LYPD1: variants seen among roughly 807,000 people sequenced by gnomAD.
The protein encoded by LYPD1 is ly6/PLAUR domain-containing protein 1.
A neutral mutation model predicts 14.2 loss-of-function variants in LYPD1; 14 were observed. The observed-to-expected ratio is 0.99, with a 90% confidence interval of 0.65 to 1.54. The LOEUF (loss-of-function observed/expected upper bound fraction) is 1.54, where lower values mean the gene tolerates loss of function less well. Ranked by LOEUF, LYPD1 falls within the 40% of genes most tolerant of loss-of-function variation. The pLI is 0.00. For missense variants in LYPD1, 165 were observed against 175.7 expected, an observed-to-expected ratio of 0.94 and a Z score of 0.34; for synonymous variants, 85 against 70.6, an observed-to-expected ratio of 1.20 and a Z score of -1.02.
Position 132,669,217 on chromosome 2 carries a change from C to T in LYPD1, c.52+664G>A, listed in dbSNP as rs559309322. Among the ~76,000 whole-genome samples, 2 of 152,314 alleles carry T rather than the reference C, an allele frequency of 1.3e-5. No homozygotes were observed. The highest frequency in any genetic ancestry group is 6.5e-5 in the Admixed American group (1 of 15,306). On this transcript the variant is annotated intron_variant, in intron 1 of 2. Transcript: ENST00000397463. This position sits in a 1 kb window ranked among gnomAD's most constrained non-coding sequence, Gnocchi z 4.3. ...CGCGCGCACCCTGGATCCCCGACCC[C>T]GCAGCCCTTTCTTCCAGGCCCCGGC...
intron 2 of LYPD1, among the ~76,000 whole-genome samples, chr2:132,663,858 A>T (rs1248255918): frequency 1.3e-5 from 2 of 152,226 alleles, no homozygotes; most frequent in Non-Finnish European, 2.9e-5. Flanking sequence ...CAAAAATAAA[A>T]TAAAAAAATC....
At chr2:132,661,149 T>A (rs147691823) in intron 2 of LYPD1, among the ~76,000 whole-genome samples, 3 of 152,276 alleles carry the variant, frequency 2.0e-5, no homozygotes, top group South Asian at 4.2e-4. Flanking sequence ...AGGCCAGATG[T>A]GGAGCTGGGC....
At chr2:132,649,095 G>T (rs1404595136) in intron 2 of LYPD1, among the ~76,000 whole-genome samples, 1 of 152,220 alleles carries the variant, frequency 6.6e-6, no homozygotes, top group African/African-American at 2.4e-5. Flanking sequence ...ACTGGCTGGT[G>T]TCAGGGTATG....
At chr2:132,659,821 A>T (rs780678779) in intron 2 of LYPD1, among the ~76,000 whole-genome samples, 6 of 152,236 alleles carry the variant, frequency 3.9e-5, no homozygotes, top group Non-Finnish European at 8.8e-5. Context: ...CAGACTAGTC[A>T]ACCCGCTAGG....
At chr2:132,657,791 T>C (rs1416043320) in intron 2 of LYPD1, among the ~76,000 whole-genome samples, 1 of 152,172 alleles carries the variant, frequency 6.6e-6, no homozygotes, top group Non-Finnish European at 1.5e-5. Context: ...CCTTTGACTA[T>C]ACATTTCAGC....
At chr2:132,651,295 G>C (rs17396537) in intron 2 of LYPD1, among the ~76,000 whole-genome samples, 60,515 of 152,118 alleles carry the variant, frequency 0.4, 14,009 homozygotes, top group South Asian at 0.57. Flanking sequence ...GTCCACCAGA[G>C]GGCTCTAGGG....
chr2:132,645,156 C>G lies in LYPD1; in HGVS notation c.*889G>C. ...GGATGCCCAACCAGATTCGGAGGAT[C>G]ATGGCTGCGGCCAAACCCAAGCACG... On this transcript the variant is annotated 3_prime_UTR_variant, in exon 3 of 3. Transcript: ENST00000397463. 1 of 1,614,168 alleles carries G rather than the reference C, an allele frequency of 6.2e-7. No homozygotes were observed. Among genetic ancestry groups the G allele is most frequent in the Non-Finnish European group, 8.5e-7 (1 of 1,180,022 alleles).
intron 2 of LYPD1, among the ~76,000 whole-genome samples, chr2:132,647,520 A>G (rs920502901): frequency 2.6e-5 from 4 of 152,146 alleles, no homozygotes; most frequent in African/African-American, 7.2e-5. Flanking sequence ...TTTAGTAGAG[A>G]TGGGGTTTCA....
At chr2:132,658,372 G>C (rs1304716447) in intron 2 of LYPD1, among the ~76,000 whole-genome samples, 1 of 152,234 alleles carries the variant, frequency 6.6e-6, no homozygotes, top group Non-Finnish European at 1.5e-5. Flanking sequence ...GTGGAGGCAA[G>C]AACAGAAAGG....
chr2:132,667,566 C>T lies in LYPD1; in HGVS notation c.190+834G>A, dbSNP rs187892037. ...ATTCACTATCAGCCATCAAGTTATG[C>T]TATTTCCCATCCTTTTAATATCCTT... On this transcript the variant is annotated intron_variant, in intron 2 of 2. Transcript: ENST00000397463. Among the ~76,000 whole-genome samples the T allele has an allele frequency of 2.0e-3, 311 of 152,316 alleles. 1 individual carries two copies. The highest frequency in any genetic ancestry group is 7.0e-3 in the African/African-American group (293 of 41,566).
intron 2 of LYPD1, among the ~76,000 whole-genome samples, chr2:132,648,885 G>A (rs566746941): frequency 1.3e-5 from 2 of 152,210 alleles, no homozygotes; most frequent in East Asian, 1.9e-4. Flanking sequence ...CAGGCTGGCC[G>A]CTCCAGGCCA....
chr2:132,656,882 G>A (rs1179089613), intron 2 of LYPD1, among the ~76,000 whole-genome samples: 1 of 152,188 alleles, frequency 6.6e-6, no homozygotes, highest in South Asian at 2.1e-4. Context: ...CCATACTGAT[G>A]TTGAGCCCAT....
intron 2 of LYPD1, among the ~76,000 whole-genome samples, chr2:132,665,619 A>C (rs905084617): frequency 6.6e-6 from 1 of 152,238 alleles, no homozygotes; most frequent in Non-Finnish European, 1.5e-5. Flanking sequence ...GCAGGCTTCA[A>C]GCGCCTCTTA....
chr2:132,657,802 G>C, intron 2 of LYPD1, among the ~76,000 whole-genome samples: 1 of 152,076 alleles, frequency 6.6e-6, no homozygotes, highest in South Asian at 2.1e-4. Context: ...ACATTTCAGC[G>C]TTCAATTGAG....
chr2:132,666,795 G>A (rs1025965471), intron 2 of LYPD1: 1 of 152,160 alleles, frequency 6.6e-6, no homozygotes, highest in Non-Finnish European at 1.5e-5. Context: ...GACCTCTTCT[G>A]ACTCAAATTT....
In LYPD1 at chr2:132,645,630, T is replaced by G; in HGVS notation, c.*415A>C. On this transcript the variant is annotated 3_prime_UTR_variant, in exon 3 of 3. Transcript: ENST00000397463. ...GAATGTCAAGCGAGGGAGCCTTGAG[T>G]GGGAACTGGCCCTCCAGCCCTAAGA... is the stretch of plus-strand genomic sequence containing the variant. 1 of 1,595,586 alleles carries G rather than the reference T, an allele frequency of 6.3e-7. No homozygotes were observed. The highest frequency in any genetic ancestry group is 1.7e-5 in the Admixed American group (1 of 57,892).
At chr2:132,654,302 T>G (rs1682468180) in intron 2 of LYPD1, among the ~76,000 whole-genome samples, 1 of 151,614 alleles carries the variant, frequency 6.6e-6, no homozygotes, top group Non-Finnish European at 1.5e-5. Context: ...TCCGGAGGCT[T>G]AGGTGGGATG....
rs754557781 is a variant in LYPD1, at chr2:132,646,198, C to T, written c.273G>A (p.Gly91=). The change falls in exon 3 of 3, where the codon GGG becomes GGA. Residue 91 remains glycine (G), a synonymous_variant. Transcript: ENST00000397463. ...SAGYQSFCSP[G]KLNSVCISCC... Reference sequence around the variant, plus strand: ...AGCTGATGCAAACTGAGTTCAGTTTCCCTGGGGAGCAGAAGGACTGGTACC... The same window carrying T: ...AGCTGATGCAAACTGAGTTCAGTTTTCCTGGGGAGCAGAAGGACTGGTACC... 6.2e-7 allele frequency: 1 copy of T among 1,607,518 alleles called. No homozygotes were observed. Among genetic ancestry groups the T allele is most frequent in the South Asian group, 1.1e-5 (1 of 89,924 alleles).
rs1184178810 is a variant in LYPD1 at position 132,669,811 on chromosome 2, G to A, written c.52+70C>T. On this transcript the variant is annotated intron_variant, in intron 1 of 2. Coordinates refer to ENST00000397463, the MANE Select transcript of LYPD1 (RefSeq NM_144586.7). This position sits in a 1 kb window ranked among gnomAD's most constrained non-coding sequence, Gnocchi z 4.3. The stretch of plus-strand genomic sequence containing the variant: ...CTGGCCCCGAGGTGGGCGCCTTGGG[G>A]GCAAAAGGGCTGGCGGGTAGATGGA... The A allele has an allele frequency of 7.6e-6, 12 of 1,589,034 alleles. No individual in the cohort carries two copies. Among genetic ancestry groups the A allele is most frequent in the Middle Eastern group, 1.7e-4 (1 of 5,960 alleles).
Sources: allele counts gnomAD v4.1 joint callset (sites outside exome capture counted in the v4.1 genomes callset), GRCh38; gene constraint gnomAD v4.1.1; non-coding constraint Gnocchi (gnomAD v3.1); transcripts MANE v1.5; gene names NCBI Gene and HGNC (gene_info 2026-07-23, HGNC 2026-07-21).